Variants in DHX30 observed in about 807,000 individuals in gnomAD.
DHX30 encodes the protein ATP-dependent RNA helicase DHX30.
Under a neutral mutation model 116.9 loss-of-function variants are expected in DHX30, and 4 were observed. The observed-to-expected ratio is 0.03, with a 90% CI of 0.02 to 0.08. The LOEUF is 0.08. DHX30 is among the 10% of genes least tolerant of loss of function. DHX30 has a pLI of 1.00. For missense variants in DHX30, 871 were observed against 1,595.1 expected, an observed-to-expected ratio of 0.55 and a Z score of 7.73; for synonymous variants, 697 against 651.7, an observed-to-expected ratio of 1.07 and a Z score of -1.06.
At chr3:47,805,565 G>A in intron 2 of DHX30, 145 bp downstream of exon 2, 2 of 383,972 alleles carry the variant, frequency 5.2e-6, no homozygotes, top group Non-Finnish European at 9.2e-6. Context: ...TTGAGACAGA[G>A]TCTCGCTTTG....
chr3:47,842,013 G>A, intron 8 of DHX30: 2 of 411,442 alleles, frequency 4.9e-6, no homozygotes, highest in South Asian at 7.8e-5. Flanking sequence ...TTAGAGGTGT[G>A]GGTCTTGGTG....
chr3:47,825,198 AG>A (rs1224919189), intron 4 of DHX30: 1 of 654,066 alleles, frequency 1.5e-6, no homozygotes, highest in South Asian at 1.6e-5. Flanking sequence ...AGGCCGAGTC[AG>A]GGATGGCCCC....
In DHX30 at chr3:47,849,949, G is replaced by A; in HGVS notation, c.3414G>A (p.Leu1138=). The change falls in exon 22 of 22, where the codon CTG becomes CTA. Residue 1138 remains leucine, a synonymous_variant. Coordinates refer to ENST00000445061, the MANE Select transcript of DHX30 (RefSeq NM_138615.3). ...GTGACTCGCGTACCGTGCGGCTGCT[G>A]AAGGAGCTGCGGCGGGCCCTGGGCC... ...LEGDSRTVRL[L]KELRRALGRM... The A allele has an allele frequency of 6.2e-7, 1 of 1,613,166 alleles. No individual in the cohort carries two copies. The highest frequency in any genetic ancestry group is 8.5e-7 in the Non-Finnish European group (1 of 1,179,808).
chr3:47,848,460 CTG>C lies in DHX30; in HGVS notation c.2494-7_2494-6del, dbSNP rs2037717097. 7 of 1,613,924 alleles carry C rather than the reference CTG, an allele frequency of 4.3e-6. No homozygotes were observed. Among genetic ancestry groups the C allele is most frequent in the Non-Finnish European group, 5.1e-6 (6 of 1,179,964 alleles). The stretch of plus-strand genomic sequence containing the variant: ...GGCAGGCTCATGGCGGGCTCTGGCT[CTG>C]TCATAGGCGGTGGAGTTCCTGTCCA... On this transcript the variant is annotated splice_polypyrimidine_tract_variant and splice_region_variant and intron_variant, in intron 15 of 21. Transcript: ENST00000445061. This position sits in a 1 kb window ranked among gnomAD's most constrained non-coding sequence, Gnocchi z 9.4.
In DHX30 at chr3:47,847,213, G is replaced by A. The variant is rs1443249421; in HGVS notation, c.1930-60G>A. ...CCGTCTCACTGAGTCAGGTGGCTGTGTCCTTGGCATGACCCCTTACCCCGG... is the reference window on the plus strand; with the variant it reads ...CCGTCTCACTGAGTCAGGTGGCTGTATCCTTGGCATGACCCCTTACCCCGG... On this transcript the variant is annotated intron_variant, in intron 11 of 21. Coordinates refer to ENST00000445061, the MANE Select transcript of DHX30 (RefSeq NM_138615.3). The surrounding 1 kb of genome is among the most constrained non-coding windows in gnomAD (Gnocchi z 5.5). 1 of 1,606,208 alleles carries A rather than the reference G, an allele frequency of 6.2e-7. No individual in the cohort carries two copies. Among genetic ancestry groups the A allele is most frequent in the Non-Finnish European group, 8.5e-7 (1 of 1,173,054 alleles).
chr3:47,846,226 C>T lies in DHX30; in HGVS notation c.1154C>T (p.Pro385Leu). 1 of 1,614,166 alleles carries T rather than the reference C, an allele frequency of 6.2e-7. No homozygotes were observed. The highest frequency in any genetic ancestry group is 8.5e-7 in the Non-Finnish European group (1 of 1,180,050). Residue 385 changes from proline to leucine, a missense_variant, in exon 11 of 22, where the codon CCC becomes CTC. Pro to Leu is a moderately conservative substitution (Grantham distance 98). Coordinates refer to ENST00000445061, the MANE Select transcript of DHX30 (RefSeq NM_138615.3). ...ELRLQSDDIL[P>L]LGKDSGPLSD... ...CGGCTGCAGAGTGATGACATCTTGC[C>T]CTTGGGCAAGGACTCAGGGCCTCTG...
intron 6 of DHX30, among the ~76,000 whole-genome samples, chr3:47,832,148 C>A (rs567422836): frequency 6.6e-6 from 1 of 150,828 alleles, no homozygotes; most frequent in African/African-American, 2.4e-5. Context: ...TGGGCTGAAG[C>A]GATCCTTCTG....
chr3:47,845,719 G>A lies in DHX30; in HGVS notation c.959G>A (p.Arg320Lys), dbSNP rs569099891. ...KKLKSLGLVD[R>K]NNEPLTHAMY... ...CTGCAGAGCCTGGGCCTGGTGGACA[G>A]GAACAACGAACCGCTTACACACGCC... Residue 320 changes from arginine (R) to lysine (K), a missense_variant, in exon 10 of 22, where the codon AGG becomes AAG. Physicochemically the swap from Arg to Lys is conservative, Grantham distance 26. Around this residue, in one of 13 missense-constraint regions of DHX30, gnomAD observed 175 missense variants for 292.9 expected, o/e 0.60. Transcript: ENST00000445061. The A allele has an allele frequency of 1.9e-6, 3 of 1,603,400 alleles. No homozygotes were observed. Among genetic ancestry groups the A allele is most frequent in the East Asian group, 4.5e-5 (2 of 44,526 alleles).
rs370088500 is a variant in DHX30 at position 47,846,728 on chromosome 3, C to G, written c.1656C>G (p.Gly552=). ...RKLQSNPSLE[G]VSHVIVDEVH... ...TGCAGAGCAACCCCAGCCTGGAGGG[C>G]GTGAGCCACGTCATCGTGGATGAGG... is the stretch of plus-strand genomic sequence containing the variant. Residue 552 remains glycine, a synonymous_variant, in exon 11 of 22, where the codon GGC becomes GGG. Coordinates refer to ENST00000445061, the MANE Select transcript of DHX30 (RefSeq NM_138615.3). The G allele has an allele frequency of 1.2e-6, 2 of 1,613,976 alleles. No homozygotes were observed. The highest frequency in any genetic ancestry group is 1.7e-6 in the Non-Finnish European group (2 of 1,180,022).
chr3:47,818,412 G>A (rs937302906), intron 4 of DHX30, among the ~76,000 whole-genome samples: 1 of 152,156 alleles, frequency 6.6e-6, no homozygotes, highest in African/African-American at 2.4e-5. Flanking sequence ...TGGAGAATCC[G>A]CAGGGCTTGG....
intron 1 of DHX30, 57 bp from the exon 2 acceptor site, chr3:47,805,269 G>A (rs1315368687): frequency 1.3e-5 from 5 of 398,690 alleles, no homozygotes; most frequent in East Asian, 7.1e-5. Flanking sequence ...GATGGTTGGA[G>A]CAACTTTCTT....
At chr3:47,816,356 CTTTT>C (rs200180200) in intron 3 of DHX30, 4 of 924,592 alleles carry the variant, frequency 4.3e-6, no homozygotes, top group Non-Finnish European at 3.8e-6. Flanking sequence ...GAGCCGTCTT[CTTTT>C]TTTTTTTTTT....
At chr3:47,821,930 C>CT (rs1342967106) in intron 4 of DHX30, among the ~76,000 whole-genome samples, 5 of 152,054 alleles carry the variant, frequency 3.3e-5, no homozygotes, top group African/African-American at 1.2e-4. Flanking sequence ...AGTTGGTAAT[C>CT]TTTTTTTTGT....
chr3:47,806,504 G>A (rs2035531873), intron 2 of DHX30, among the ~76,000 whole-genome samples: 1 of 147,288 alleles, frequency 6.8e-6, no homozygotes, highest in African/African-American at 2.5e-5. Flanking sequence ...GGAGTACAGT[G>A]GTGCAATCTT....
Position 47,840,945 on chromosome 3 carries a change from C to A in DHX30, c.435C>A (p.Arg145=). 1 of 1,614,216 alleles carries A rather than the reference C, an allele frequency of 6.2e-7. No individual in the cohort carries two copies. Among genetic ancestry groups the A allele is most frequent in the South Asian group, 1.1e-5 (1 of 91,082 alleles). ...CCAAATACCGAGTGCTAGCTGATCG[C>A]TTTGGCTCCCCTGCCGACAGCTGGT... ...DAAKYRVLAD[R]FGSPADSWWR... The change falls in exon 7 of 22, where the codon CGC becomes CGA. Residue 145 remains arginine, a synonymous_variant. Transcript: ENST00000445061.
At chr3:47,818,879 C>T (rs1024875722) in intron 4 of DHX30, among the ~76,000 whole-genome samples, 7 of 152,200 alleles carry the variant, frequency 4.6e-5, no homozygotes, top group African/African-American at 9.7e-5. Flanking sequence ...TGTTCACACC[C>T]CTCTGCCTAG....
At chr3:47,808,586 A>G (rs1465072916) in intron 2 of DHX30, among the ~76,000 whole-genome samples, 2 of 127,414 alleles carry the variant, frequency 1.6e-5, no homozygotes, top group Non-Finnish European at 3.4e-5. Context: ...TTTTATTTTT[A>G]TTTTTTTGAG....
chr3:47,849,780 G>A lies in DHX30; in HGVS notation c.3331+11G>A, dbSNP rs2037981230. 3 of 1,610,002 alleles carry A rather than the reference G, an allele frequency of 1.9e-6. No individual in the cohort carries two copies. The highest frequency in any genetic ancestry group is 2.5e-6 in the Non-Finnish European group (3 of 1,177,240). On this transcript the variant is annotated intron_variant, in intron 21 of 21. Transcript: ENST00000445061. The stretch of plus-strand genomic sequence containing the variant: ...ACGTGCACATCCGTGGTGGGTGCCT[G>A]CAGGCCTCCCGCCCACCCCGCTCTG...
chr3:47,850,122 C>T lies in DHX30; in HGVS notation c.*2C>T, dbSNP rs377083667. ...GTGCGCAAGACAGCTGACGACTGAG[C>T]CCTGCTTCTGCTGGGGCTGTGTACA... On this transcript the variant is annotated 3_prime_UTR_variant, in exon 22 of 22. Coordinates refer to ENST00000445061, the MANE Select transcript of DHX30 (RefSeq NM_138615.3). 2.1e-5 allele frequency: 33 copies of T among 1,583,230 alleles called. No individual in the cohort carries two copies. Among genetic ancestry groups the T allele is most frequent in the African/African-American group, 2.7e-5 (2 of 74,510 alleles).
Sources: gnomAD v4.1 joint callset for allele counts (sites outside exome capture counted in the v4.1 genomes callset) on GRCh38, gnomAD v4.1.1 for gene constraint, gnomAD v4.1.1 regional missense constraint, Gnocchi (gnomAD v3.1) non-coding constraint, MANE v1.5 for transcripts, NCBI Gene and HGNC (gene_info 2026-07-23, HGNC 2026-07-21) for gene names.